QTMAN: variants seen among roughly 807,000 people sequenced by gnomAD.
QTMAN encodes queuosine-tRNA mannosyltransferase.
chr2:144,240,528 A>G, the QTMAN span, among the ~76,000 whole-genome samples: 1 of 152,230 alleles, frequency 6.6e-6, no homozygotes, highest in Non-Finnish European at 1.5e-5. Flanking sequence ...AAAAAGAACA[A>G]AATCAGAATT....
At chr2:144,093,506 A>AAAAC in the QTMAN span, among the ~76,000 whole-genome samples, 1 of 152,236 alleles carries the variant, frequency 6.6e-6, no homozygotes, top group African/African-American at 2.4e-5. Flanking sequence ...CTAAAGTTAA[A>AAAAC]AAACAAACAA....
the QTMAN span, among the ~76,000 whole-genome samples, chr2:144,316,453 C>T: frequency 6.6e-6 from 1 of 152,160 alleles, no homozygotes; most frequent in Non-Finnish European, 1.5e-5. Flanking sequence ...ACTGCTTGAA[C>T]CAGTCCTCTT....
chr2:144,049,613 C>T, the QTMAN span, among the ~76,000 whole-genome samples: 4 of 152,098 alleles, frequency 2.6e-5, no homozygotes, highest in Non-Finnish European at 5.9e-5. Flanking sequence ...TTTACATACA[C>T]ATTCAACAGC....
At chr2:143,985,981 T>C in the QTMAN span, among the ~76,000 whole-genome samples, 3 of 152,202 alleles carry the variant, frequency 2.0e-5, no homozygotes, top group Non-Finnish European at 2.9e-5. Context: ...AATATCTTTG[T>C]TGCATTTATA....
At chr2:144,185,635 T>C in the QTMAN span, among the ~76,000 whole-genome samples, 4 of 152,306 alleles carry the variant, frequency 2.6e-5, no homozygotes, top group East Asian at 1.9e-4. Context: ...AGCTACTGCC[T>C]TGAAATTTTA....
chr2:144,148,668 A>G, the QTMAN span, among the ~76,000 whole-genome samples: 1 of 151,810 alleles, frequency 6.6e-6, no homozygotes, highest in Admixed American at 6.6e-5. Context: ...CTCTATTTCT[A>G]CCACATGTCC....
the QTMAN span, among the ~76,000 whole-genome samples, chr2:144,091,800 T>C: frequency 6.6e-6 from 1 of 152,110 alleles, no homozygotes; most frequent in Non-Finnish European, 1.5e-5. Context: ...CATCAACACG[T>C]GGATAAACAA....
chr2:143,966,819 G>C, the QTMAN span, among the ~76,000 whole-genome samples: 1 of 152,246 alleles, frequency 6.6e-6, no homozygotes, highest in Non-Finnish European at 1.5e-5. Context: ...ACTCTACAAA[G>C]TTGCTGAGTT....
chr2:144,119,226 T>C, the QTMAN span, among the ~76,000 whole-genome samples: 7 of 152,148 alleles, frequency 4.6e-5, no homozygotes, highest in Non-Finnish European at 8.8e-5. Context: ...TTAAGAGGTA[T>C]TGAGAGGCAG....
At chr2:144,188,131 T>G in the QTMAN span, among the ~76,000 whole-genome samples, 1 of 152,200 alleles carries the variant, frequency 6.6e-6, no homozygotes, top group African/African-American at 2.4e-5. Context: ...TGTGAGAGAA[T>G]AAATTCTGGT....
chr2:144,321,118 T>C, the QTMAN span, among the ~76,000 whole-genome samples: 3 of 152,206 alleles, frequency 2.0e-5, no homozygotes, highest in East Asian at 5.8e-4. Flanking sequence ...AACCAAGTAG[T>C]ATCCAGAATA....
the QTMAN span, among the ~76,000 whole-genome samples, chr2:144,281,152 A>G: frequency 5.4e-3 from 792 of 146,936 alleles, 6 homozygotes; most frequent in Non-Finnish European, 7.8e-3. Flanking sequence ...TATTTTTTTA[A>G]AGTCTAACAA....
the QTMAN span, among the ~76,000 whole-genome samples, chr2:144,082,666 T>G: frequency 1.3e-5 from 2 of 152,162 alleles, no homozygotes; most frequent in African/African-American, 2.4e-5. Context: ...AACCCTCTTA[T>G]GTTACAGATG....
At chr2:144,007,952 A>T in the QTMAN span, among the ~76,000 whole-genome samples, 2 of 152,070 alleles carry the variant, frequency 1.3e-5, no homozygotes, top group Non-Finnish European at 2.9e-5. Context: ...AACACTGGTC[A>T]TTTCTGCTCA....
chr2:144,155,923 G>A, the QTMAN span, among the ~76,000 whole-genome samples: 2 of 151,012 alleles, frequency 1.3e-5, no homozygotes, highest in African/African-American at 2.4e-5. Context: ...AAAGTATTTT[G>A]TGCCCAAATA....
the QTMAN span, among the ~76,000 whole-genome samples, chr2:144,022,542 A>ATCTC: frequency 1.7e-5 from 2 of 117,576 alleles, no homozygotes; most frequent in East Asian, 2.6e-4. Context: ...TTCTCATTCT[A>ATCTC]TCTCTCTCTC....
the QTMAN span, among the ~76,000 whole-genome samples, chr2:144,208,086 T>C: frequency 6.6e-6 from 1 of 152,110 alleles, no homozygotes; most frequent in Non-Finnish European, 1.5e-5. Context: ...TTGAGTTCTG[T>C]GCCCCTCAAA....
At chr2:144,025,793 G>A in the QTMAN span, among the ~76,000 whole-genome samples, 31 of 152,124 alleles carry the variant, frequency 2.0e-4, no homozygotes, top group African/African-American at 5.6e-4. Flanking sequence ...TGTAACTAGC[G>A]TACTCCCCTT....
chr2:144,327,721 A>G, the QTMAN span, among the ~76,000 whole-genome samples: 1 of 152,142 alleles, frequency 6.6e-6, no homozygotes, highest in Non-Finnish European at 1.5e-5. Context: ...TTGGCTCTGC[A>G]AGACCCCAAC....
Sources: allele counts gnomAD v4.1 joint callset (sites outside exome capture counted in the v4.1 genomes callset), GRCh38; gene constraint gnomAD v4.1.1; transcripts MANE v1.5; gene names NCBI Gene and HGNC (gene_info 2026-07-23, HGNC 2026-07-21).